Variants in WDR72 observed in about 807,000 individuals in gnomAD.
The protein encoded by WDR72 is WD repeat-containing protein 72.
In WDR72, 120 loss-of-function variants were observed where a neutral mutation model predicts 124.2. The observed-to-expected ratio is 0.97, with a 90% CI of 0.83 to 1.12. WDR72 has a LOEUF of 1.12. Among genes scored for constraint, WDR72 ranks in the 50% most tolerant of loss-of-function variants. The probability of loss-of-function intolerance (pLI) is 0.00; values close to 1 mark genes in which losing one functional copy is unlikely to be tolerated. For missense variants in WDR72, 1,387 were observed against 1,278.8 expected (o/e 1.08, Z -1.29); for synonymous variants, 452 against 441.7 (o/e 1.02, Z -0.29).
At chr15:53,547,112 T>G (rs1432846818) in intron 18 of WDR72, among the ~76,000 whole-genome samples, 1 of 152,246 alleles carries the variant, frequency 6.6e-6, no homozygotes, top group African/African-American at 2.4e-5. Flanking sequence ...ACATCAGTGA[T>G]TTCCCATCAA....
chr15:53,707,725 C>A (rs1302379156), intron 9 of WDR72, among the ~76,000 whole-genome samples: 1 of 152,194 alleles, frequency 6.6e-6, no homozygotes, highest in Admixed American at 6.5e-5. Flanking sequence ...GGATTACAGG[C>A]ATGAGCCACT....
intron 7 of WDR72, 80 bp from the exon 8 acceptor site, chr15:53,711,561 T>C: frequency 1.4e-6 from 2 of 1,434,540 alleles, no homozygotes; most frequent in Admixed American, 3.4e-5. Context: ...ATGATAGTAA[T>C]AATATAACAA....
chr15:53,683,123 C>T (rs2016457639), intron 13 of WDR72, among the ~76,000 whole-genome samples: 1 of 152,074 alleles, frequency 6.6e-6, no homozygotes, highest in South Asian at 2.1e-4. Context: ...GAGGAAATTG[C>T]CCCCATGATC....
At chr15:53,682,041 G>A (rs2016407163) in intron 13 of WDR72, among the ~76,000 whole-genome samples, 1 of 152,024 alleles carries the variant, frequency 6.6e-6, no homozygotes, top group African/African-American at 2.4e-5. Context: ...CTAAATTTGG[G>A]GGAAAAATTA....
intron 13 of WDR72, among the ~76,000 whole-genome samples, chr15:53,677,648 A>G (rs2016222394): frequency 6.6e-6 from 1 of 152,144 alleles, no homozygotes; most frequent in African/African-American, 2.4e-5. Context: ...CATGGAGGAC[A>G]TGACTTTGCT....
chr15:53,716,020 A>T (rs1034523447), intron 4 of WDR72, among the ~76,000 whole-genome samples: 3 of 152,234 alleles, frequency 2.0e-5, no homozygotes, highest in East Asian at 1.9e-4. Context: ...TCCAAAAAAA[A>T]TAGAAGAGAG....
chr15:53,657,121 G>A (rs1348602910), intron 14 of WDR72, among the ~76,000 whole-genome samples: 6 of 151,664 alleles, frequency 4.0e-5, no homozygotes, highest in East Asian at 1.9e-4. Flanking sequence ...AAAATTAGCC[G>A]GTTGTGGTGG....
At chr15:53,745,255 T>C (rs1333887755) in intron 1 of WDR72, among the ~76,000 whole-genome samples, 2 of 152,152 alleles carry the variant, frequency 1.3e-5, no homozygotes, top group African/African-American at 2.4e-5. Context: ...ACTCAGCATA[T>C]GGAATGAATT....
chr15:53,631,795 T>TA (rs1292140401), intron 14 of WDR72, among the ~76,000 whole-genome samples: 1 of 152,166 alleles, frequency 6.6e-6, no homozygotes, highest in Non-Finnish European at 1.5e-5. Flanking sequence ...AGTGATGATT[T>TA]ACAGTACCTG....
chr15:53,702,457 A>G (rs2017213353), intron 11 of WDR72, 103 bp from the exon 12 acceptor site: 4 of 955,770 alleles, frequency 4.2e-6, no homozygotes, highest in Non-Finnish European at 6.4e-6. Flanking sequence ...AATTACATAT[A>G]ATTAAAGCAT....
intron 13 of WDR72, among the ~76,000 whole-genome samples, chr15:53,675,089 T>C (rs1239042400): frequency 1.3e-5 from 2 of 152,120 alleles, no homozygotes; most frequent in African/African-American, 4.8e-5. Context: ...CAGCGTAACA[T>C]CTACTATGAC....
chr15:53,689,816 C>CA (rs2016776018), intron 13 of WDR72, among the ~76,000 whole-genome samples: 1 of 151,998 alleles, frequency 6.6e-6, no homozygotes, highest in African/African-American at 2.4e-5. Flanking sequence ...GGAACCAACC[C>CA]AGATGTCCAA....
At position 53,549,035 on chromosome 15, in the gene WDR72, T is replaced by G. The variant is rs550128729; in HGVS notation, c.3149-25713A>C. Among the ~76,000 whole-genome samples, 27 of 152,332 alleles carry G rather than the reference T, an allele frequency of 1.8e-4. No homozygotes were observed. The South Asian group carries it at 5.6e-3, about 32-fold the overall frequency. ...AGAACACAAACATCTAGGTAGGAACTATTTCAAACAGTTAAGTATGGATGA... is the reference window on the plus strand; with the variant it reads ...AGAACACAAACATCTAGGTAGGAACGATTTCAAACAGTTAAGTATGGATGA... On this transcript the variant is annotated intron_variant, in intron 18 of 19. Coordinates refer to ENST00000360509, the MANE Select transcript of WDR72 (RefSeq NM_182758.4).
intron 13 of WDR72, among the ~76,000 whole-genome samples, chr15:53,681,324 G>A (rs1354917551): frequency 1.3e-5 from 2 of 152,122 alleles, no homozygotes; most frequent in African/African-American, 4.8e-5. Flanking sequence ...TCCACTAAAC[G>A]TTACAGCTGT....
chr15:53,556,592 C>A (rs2140287441), intron 18 of WDR72, among the ~76,000 whole-genome samples: 1 of 152,192 alleles, frequency 6.6e-6, no homozygotes, highest in Admixed American at 6.6e-5. Context: ...GTGAACCCAG[C>A]CTAGTAAACT....
At chr15:53,534,384 T>C (rs552018668) in intron 18 of WDR72, among the ~76,000 whole-genome samples, 5 of 152,284 alleles carry the variant, frequency 3.3e-5, no homozygotes, top group African/African-American at 4.8e-5. Flanking sequence ...ATATGAGTCA[T>C]GCGTTGCAAA....
intron 1 of WDR72, among the ~76,000 whole-genome samples, chr15:53,742,683 G>T (rs2018540820): frequency 6.6e-6 from 1 of 152,024 alleles, no homozygotes; most frequent in Non-Finnish European, 1.5e-5. Context: ...CCACAGATAG[G>T]GATAAAGTTA....
At chr15:53,578,188 A>G (rs549665044) in intron 18 of WDR72, among the ~76,000 whole-genome samples, 1 of 152,276 alleles carries the variant, frequency 6.6e-6, no homozygotes, top group African/African-American at 2.4e-5. Flanking sequence ...AGCAAGTTAG[A>G]CATATCCCCC....
intron 1 of WDR72, among the ~76,000 whole-genome samples, chr15:53,735,075 C>A (rs1239826366): frequency 6.6e-6 from 1 of 152,210 alleles, no homozygotes; most frequent in Middle Eastern, 3.4e-3. Context: ...AGGTGGAGCA[C>A]TTGAACCCAG....
Sources: gnomAD v4.1 joint callset for allele counts (sites outside exome capture counted in the v4.1 genomes callset) on GRCh38, gnomAD v4.1.1 for gene constraint, MANE v1.5 for transcripts, NCBI Gene and HGNC (gene_info 2026-07-23, HGNC 2026-07-21) for gene names.